STXBP5L: variants seen among roughly 807,000 people sequenced by gnomAD.
The protein encoded by STXBP5L is syntaxin-binding protein 5-like.
A neutral mutation model predicts 144.5 loss-of-function variants in STXBP5L; 65 were observed. That is an observed-to-expected ratio of 0.45 (90% CI 0.37 to 0.55). STXBP5L has a LOEUF of 0.55. Ranked by LOEUF, STXBP5L falls within the 20% of genes least tolerant of loss-of-function variation. The probability of loss-of-function intolerance (pLI) is 0.00; values close to 1 mark genes in which losing one functional copy is unlikely to be tolerated. For synonymous variants in STXBP5L, 505 were observed against 469.6 expected, an observed-to-expected ratio of 1.08 and a Z score of -0.97; for missense variants, 1,298 against 1,405.5, an observed-to-expected ratio of 0.92 and a Z score of 1.22.
At chr3:121,098,706 C>T (rs1461881725) in intron 5 of STXBP5L, among the ~76,000 whole-genome samples, 1 of 152,142 alleles carries the variant, frequency 6.6e-6, no homozygotes, top group East Asian at 1.9e-4. Flanking sequence ...GTTGGCCTGG[C>T]CTGCTCCACT....
intron 20 of STXBP5L, among the ~76,000 whole-genome samples, chr3:121,322,113 T>C (rs1471097619): frequency 2.6e-5 from 4 of 152,178 alleles, no homozygotes; most frequent in Non-Finnish European, 1.5e-5. Context: ...ATGCAGTATC[T>C]GGTTTTCAGT....
chr3:121,197,418 C>CT (rs1490487488), intron 9 of STXBP5L, among the ~76,000 whole-genome samples: 1 of 151,934 alleles, frequency 6.6e-6, no homozygotes, highest in African/African-American at 2.4e-5. Flanking sequence ...ATGTTCATGC[C>CT]TTTTTTCCTT....
At chr3:121,163,984 G>A (rs2046411803) in intron 9 of STXBP5L, among the ~76,000 whole-genome samples, 1 of 152,062 alleles carries the variant, frequency 6.6e-6, no homozygotes, top group Admixed American at 6.6e-5. Context: ...TAAAGTATAA[G>A]CTTCAATGAT....
chr3:121,415,856 G>A lies in STXBP5L; in HGVS notation c.3115-1G>A. 2 of 1,594,514 alleles carry A rather than the reference G, an allele frequency of 1.3e-6. No individual in the cohort carries two copies. Among genetic ancestry groups the A allele is most frequent in the Non-Finnish European group, 8.6e-7 (1 of 1,169,044 alleles). ...TGCTTTTTTCTGTGAATTTGATGCA[G>A]GACATGCTAGGAGATTTGTTTACTC... On this transcript the variant is annotated splice_acceptor_variant, in intron 24 of 26. Coordinates refer to ENST00000471454, the MANE Select transcript of STXBP5L (RefSeq NM_001308330.2). LOFTEE classifies it high-confidence loss of function.
intron 9 of STXBP5L, among the ~76,000 whole-genome samples, chr3:121,199,821 CA>C (rs1219007808): frequency 6.6e-6 from 1 of 151,822 alleles, no homozygotes; most frequent in Non-Finnish European, 1.5e-5. Context: ...CCTTGCATCC[CA>C]GGGGTGAAGT....
At chr3:121,031,562 C>G (rs1195887641) in intron 3 of STXBP5L, among the ~76,000 whole-genome samples, 2 of 152,064 alleles carry the variant, frequency 1.3e-5, no homozygotes, top group African/African-American at 2.4e-5. Flanking sequence ...AGTCAGAATT[C>G]TTTCTCAGGG....
chr3:120,959,514 A>C (rs913744404), intron 3 of STXBP5L, among the ~76,000 whole-genome samples: 1 of 152,242 alleles, frequency 6.6e-6, no homozygotes, highest in Admixed American at 6.5e-5. Context: ...CTACAAGGCT[A>C]CAGTAAGCAA....
intron 10 of STXBP5L, among the ~76,000 whole-genome samples, chr3:121,209,585 C>A (rs4676715): frequency 6.6e-6 from 1 of 151,602 alleles, no homozygotes; most frequent in African/African-American, 2.4e-5. Flanking sequence ...ATCCCCTCTC[C>A]CCCCACCCCA....
chr3:121,104,062 G>A (rs1384152740), intron 5 of STXBP5L, among the ~76,000 whole-genome samples: 1 of 152,164 alleles, frequency 6.6e-6, no homozygotes, highest in Non-Finnish European at 1.5e-5. Flanking sequence ...CATAGTATCT[G>A]TGAAGTGTTT....
intron 9 of STXBP5L, among the ~76,000 whole-genome samples, chr3:121,188,541 T>A (rs1434887041): frequency 1.3e-5 from 2 of 150,618 alleles, no homozygotes; most frequent in Admixed American, 6.6e-5. Flanking sequence ...CTGATGAACA[T>A]CGATGTGAAA....
At chr3:121,005,396 T>G (rs907144936) in intron 3 of STXBP5L, among the ~76,000 whole-genome samples, 7 of 152,212 alleles carry the variant, frequency 4.6e-5, no homozygotes, top group African/African-American at 1.7e-4. Context: ...ACGGTGGTGA[T>G]ATCCCCTTTA....
chr3:121,417,804 ATGTT>A (rs752779163), intron 25 of STXBP5L, among the ~76,000 whole-genome samples: 5 of 152,208 alleles, frequency 3.3e-5, no homozygotes, highest in East Asian at 1.9e-4. Flanking sequence ...GGTAAATGTT[ATGTT>A]TGTTTTATAA....
chr3:121,185,627 T>C (rs2087970470), intron 9 of STXBP5L, among the ~76,000 whole-genome samples: 1 of 152,218 alleles, frequency 6.6e-6, no homozygotes. Context: ...GTATTATTTC[T>C]GAGGGCTCTG....
chr3:120,996,261 G>A (rs987786985), intron 3 of STXBP5L, among the ~76,000 whole-genome samples: 7 of 151,690 alleles, frequency 4.6e-5, no homozygotes, highest in East Asian at 1.9e-4. Context: ...TGGTGTTTAC[G>A]CAGATTTTTG....
intron 5 of STXBP5L, among the ~76,000 whole-genome samples, chr3:121,072,251 A>G (rs1283664886): frequency 6.6e-6 from 1 of 152,214 alleles, no homozygotes; most frequent in African/African-American, 2.4e-5. Flanking sequence ...AGCATGTACC[A>G]GTAGCCTCTG....
intron 10 of STXBP5L, among the ~76,000 whole-genome samples, chr3:121,213,348 T>C (rs1424918357): frequency 6.6e-6 from 1 of 152,230 alleles, no homozygotes; most frequent in Admixed American, 6.5e-5. Flanking sequence ...GCTGTGGGTT[T>C]CTCATAAATA....
At chr3:121,056,885 C>A (rs1424607696) in intron 5 of STXBP5L, among the ~76,000 whole-genome samples, 5 of 150,968 alleles carry the variant, frequency 3.3e-5, no homozygotes, top group African/African-American at 1.2e-4. Context: ...GAGAGAATAT[C>A]ATATTTTTTT....
At chr3:121,405,576 GTTC>G (rs1297605245) in intron 22 of STXBP5L, among the ~76,000 whole-genome samples, 1 of 152,056 alleles carries the variant, frequency 6.6e-6, no homozygotes, top group Non-Finnish European at 1.5e-5. Context: ...TAGCCAGTGA[GTTC>G]TTCTTTAAGA....
chr3:121,284,420 G>A (rs1270429446), intron 19 of STXBP5L, among the ~76,000 whole-genome samples: 1 of 151,970 alleles, frequency 6.6e-6, no homozygotes, highest in Non-Finnish European at 1.5e-5. Context: ...TGCTTCCAGT[G>A]TCCAGGTTTG....
Sources: gnomAD v4.1 joint callset for allele counts (sites outside exome capture counted in the v4.1 genomes callset) on GRCh38, gnomAD v4.1.1 for gene constraint, MANE v1.5 for transcripts, NCBI Gene and HGNC (gene_info 2026-07-23, HGNC 2026-07-21) for gene names.